Variants in SFI1 observed in about 807,000 individuals in gnomAD.
SFI1 encodes the protein protein SFI1 homolog.
Under a neutral mutation model 207.5 loss-of-function variants are expected in SFI1, and 195 were observed. That is an observed-to-expected ratio of 0.94 (90% CI 0.84 to 1.06). The LOEUF (loss-of-function observed/expected upper bound fraction) is 1.06, where lower values mean the gene tolerates loss of function less well. Ranked by LOEUF, SFI1 falls within the 50% of genes least tolerant of loss-of-function variation. SFI1 has a pLI of 0.00. For synonymous variants in SFI1, 630 were observed against 598.9 expected (o/e 1.05, Z -0.76); for missense variants, 1,634 against 1,588.0 (o/e 1.03, Z -0.49).
chr22:31,503,312 G>A (rs1427082633), intron 1 of SFI1, among the ~76,000 whole-genome samples: 5 of 152,056 alleles, frequency 3.3e-5, no homozygotes, highest in Admixed American at 1.3e-4. Flanking sequence ...CAGCAGAAGT[G>A]GCGTGAATAC....
chr22:31,617,052 C>T lies in SFI1; in HGVS notation c.3486C>T (p.His1162=). 6.2e-7 allele frequency: 1 copy of T among 1,614,106 alleles called. No individual in the cohort carries two copies. The highest frequency in any genetic ancestry group is 8.5e-7 in the Non-Finnish European group (1 of 1,180,030). ...AGGAGATCCAGCAGCAACTACTGCA[C>T]TACCAGACCACCAAGCAGAACCTCT... ...ELEEIQQQLL[H]YQTTKQNLWS... The change falls in exon 31 of 33, where the codon CAC becomes CAT. Residue 1162 remains histidine, a synonymous_variant. Transcript: ENST00000400288.
chr22:31,587,301 A>ATTTGTTTTTT (rs57657629), intron 14 of SFI1: 4,523 of 351,634 alleles, frequency 0.013, 53 homozygotes, highest in Non-Finnish European at 0.016. Context: ...ATGCCAATTT[A>ATTTGTTTTTT]TTTGTTTTGT....
At chr22:31,574,585 A>G (rs537992548) in intron 9 of SFI1, among the ~76,000 whole-genome samples, 3 of 152,358 alleles carry the variant, frequency 2.0e-5, no homozygotes, top group African/African-American at 7.2e-5. Context: ...AAAGTAAAAC[A>G]GTCCTTTTTG....
At position 31,603,761 on chromosome 22, in the gene SFI1, G is replaced by T; in HGVS notation, c.1823G>T (p.Arg608Leu). 1 of 1,544,066 alleles carries T rather than the reference G, an allele frequency of 6.5e-7. No homozygotes were observed. Among genetic ancestry groups the T allele is most frequent in the Non-Finnish European group, 8.6e-7 (1 of 1,158,316 alleles). Residue 608 changes from arginine (R) to leucine (L), a missense_variant, in exon 18 of 33, where the codon CGG becomes CTG. Coordinates refer to ENST00000400288, the MANE Select transcript of SFI1 (RefSeq NM_001007467.3). ...GLRTERTGRVRAAEFHMAQLL... is the reference protein window; with the variant it reads ...GLRTERTGRVLAAEFHMAQLL... ...CCCCACAGGAGGACGGGCAGGGTGC[G>T]GGCAGCAGAATTCCACATGGCCCAG...
At chr22:31,501,844 G>A (rs1363512462) in intron 1 of SFI1, among the ~76,000 whole-genome samples, 1 of 152,134 alleles carries the variant, frequency 6.6e-6, no homozygotes, top group Non-Finnish European at 1.5e-5. Context: ...TCTGTAGTTG[G>A]CACATTCCTC....
At chr22:31,584,046 C>T in intron 13 of SFI1, 74 bp downstream of exon 13, 1 of 1,264,248 alleles carries the variant, frequency 7.9e-7, no homozygotes, top group Non-Finnish European at 1.2e-6. Context: ...GGAGTAATTG[C>T]TTGCCCTTCT....
intron 4 of SFI1, among the ~76,000 whole-genome samples, chr22:31,546,121 C>T (rs1054382792): frequency 6.6e-6 from 1 of 151,474 alleles, no homozygotes; most frequent in Non-Finnish European, 1.5e-5. Flanking sequence ...TCCTGAACTC[C>T]AGCAGTCCAA....
intron 4 of SFI1, among the ~76,000 whole-genome samples, chr22:31,535,926 G>A (rs1433561160): frequency 6.6e-6 from 1 of 152,068 alleles, no homozygotes; most frequent in African/African-American, 2.4e-5. Context: ...TTTAGAGTGA[G>A]TCAAGGTTCG....
intron 4 of SFI1, among the ~76,000 whole-genome samples, chr22:31,545,645 G>A (rs892871377): frequency 1.1e-4 from 17 of 151,370 alleles, no homozygotes; most frequent in Non-Finnish European, 2.1e-4. Context: ...GCAGTGGCTC[G>A]ATCTCGGCTC....
chr22:31,617,975 A>T, intron 31 of SFI1, 140 bp from the exon 32 acceptor site: 2 of 872,016 alleles, frequency 2.3e-6, no homozygotes, highest in Non-Finnish European at 3.4e-6. Context: ...AGGGGCCTGC[A>T]GTTCAGGTCA....
chr22:31,535,268 T>G (rs1483645415), intron 4 of SFI1, among the ~76,000 whole-genome samples: 2 of 145,784 alleles, frequency 1.4e-5, no homozygotes, highest in Non-Finnish European at 3.0e-5. Context: ...CGGCTCACTG[T>G]AACCTCTGCC....
chr22:31,526,656 AG>A lies in SFI1; in HGVS notation c.93-2033del, dbSNP rs201529411. On this transcript the variant is annotated intron_variant, in intron 2 of 32. Coordinates refer to ENST00000400288, the MANE Select transcript of SFI1 (RefSeq NM_001007467.3). ...CTGCAGCCTCTGCCCCCTGGGTTCA[AG>A]TGATTCTCGTGCCCCAGCCTCCTGA... 7.0e-3 allele frequency among the ~76,000 whole-genome samples: 1,067 copies of A among 151,768 alleles called. 20 individuals carry two copies. The highest frequency in any genetic ancestry group is 0.023 in the African/African-American group (966 of 41,350).
rs1238612308 is a variant in SFI1 at position 31,618,502 on chromosome 22, A to AT, written c.*92dup. Reference sequence around the variant, plus strand: ...GGAACAGAACACAGTTTTAAGTTTGATTTTTTTTATTTCAAAATGCTTTGC... The same window carrying AT: ...GGAACAGAACACAGTTTTAAGTTTGATTTTTTTTTATTTCAAAATGCTTTGC... On this transcript the variant is annotated 3_prime_UTR_variant, in exon 33 of 33. Transcript: ENST00000400288. 5.2e-5 allele frequency: 66 copies of AT among 1,280,692 alleles called. No individual in the cohort carries two copies. In the East Asian group the frequency reaches 7.4e-4, roughly 14 times the overall value. 79.3% of individuals were successfully genotyped at this position (1,280,692 alleles called of 1,614,324 possible).
intron 22 of SFI1, among the ~76,000 whole-genome samples, chr22:31,610,790 C>A (rs565299646): frequency 1.3e-5 from 2 of 152,344 alleles, no homozygotes; most frequent in East Asian, 3.9e-4. Context: ...CCTCCTCCCC[C>A]CTCAGACTGA....
At position 31,546,945 on chromosome 22, in the gene SFI1, C is replaced by G. The variant is rs1468840593; in HGVS notation, c.423C>G (p.Leu141=). The G allele has an allele frequency of 6.2e-7, 1 of 1,611,466 alleles. No individual in the cohort carries two copies. Among genetic ancestry groups the G allele is most frequent in the Admixed American group, 1.7e-5 (1 of 59,716 alleles). Residue 141 remains leucine (L), a synonymous_variant, in exon 5 of 33, where the codon CTC becomes CTG. Transcript: ENST00000400288. The part of the protein sequence containing the change: ...EWWVFQHEWK[L]CVRADCHYRY... ...GGGTTTTCCAGCACGAGTGGAAACT[C>G]TGTGTTCGAGCTGACTGTCACTACA... is the stretch of plus-strand genomic sequence containing the variant.
intron 2 of SFI1, among the ~76,000 whole-genome samples, chr22:31,520,135 A>G (rs1275552870): frequency 1.3e-5 from 2 of 151,832 alleles, no homozygotes; most frequent in African/African-American, 4.8e-5. Flanking sequence ...GCCCTAGCGA[A>G]TTATTATATG....
At chr22:31,509,862 T>G (rs1326020318) in intron 2 of SFI1, among the ~76,000 whole-genome samples, 1 of 152,182 alleles carries the variant, frequency 6.6e-6, no homozygotes, top group African/African-American at 2.4e-5. Flanking sequence ...CTCAATGAAT[T>G]TGGAAGTGTT....
At chr22:31,505,283 A>G (rs2054448067) in intron 1 of SFI1, among the ~76,000 whole-genome samples, 2 of 151,964 alleles carry the variant, frequency 1.3e-5, no homozygotes, top group Non-Finnish European at 2.9e-5. Flanking sequence ...TACTAAAAAT[A>G]CAAAAAGTAG....
intron 11 of SFI1, 23 bp from the exon 12 acceptor site, chr22:31,580,249 A>G (rs56338522): frequency 0.068 from 108,440 of 1,585,252 alleles, 4,389 homozygotes; most frequent in Admixed American, 0.18. Flanking sequence ...CCTTGTAATC[A>G]GTTGTGTCCT....
Sources: allele counts gnomAD v4.1 joint callset (sites outside exome capture counted in the v4.1 genomes callset), GRCh38; gene constraint gnomAD v4.1.1; transcripts MANE v1.5; gene names NCBI Gene and HGNC (gene_info 2026-07-23, HGNC 2026-07-21).